The following PHACTR2 variants were observed in gnomAD, a reference collection of about 807,000 sequenced individuals.
The protein encoded by PHACTR2 is phosphatase and actin regulator 2.
PHACTR2 carries 30 observed loss-of-function variants against 76.0 expected under a neutral mutation model. The observed-to-expected ratio is 0.39, with a 90% CI of 0.30 to 0.54. The LOEUF is 0.54. Among genes scored for constraint, PHACTR2 ranks in the 20% least tolerant of loss-of-function variants. The pLI, the probability that PHACTR2 is intolerant of heterozygous loss-of-function variation, is 0.61. For synonymous variants in PHACTR2, 292 were observed against 292.5 expected (o/e 1.00, Z 0.02); for missense variants, 696 against 781.1 (o/e 0.89, Z 1.30).
rs1320420035 is a variant in PHACTR2 at position 143,803,113 on chromosome 6, G to T, written c.1846-3944G>T. The stretch of plus-strand genomic sequence containing the variant: ...AGACTGTAGGATGTGAGGTTAAAAG[G>T]CTTGTGTATGAGCCCCATGTTTGTC... On this transcript the variant is annotated intron_variant, in intron 11 of 12. Coordinates refer to ENST00000440869, the MANE Select transcript of PHACTR2 (RefSeq NM_001100164.2). The surrounding 1 kb of genome is among the most constrained non-coding windows in gnomAD (Gnocchi z 4.7). Among the ~76,000 whole-genome samples the T allele has an allele frequency of 6.6e-6, 1 of 152,112 alleles. No individual in the cohort carries two copies. The highest frequency in any genetic ancestry group is 1.5e-5 in the Non-Finnish European group (1 of 68,020).
rs78144562 is a variant in PHACTR2, at chr6:143,718,642, A to C, written c.214+6459A>C. 3.0e-3 allele frequency among the ~76,000 whole-genome samples: 452 copies of C among 152,308 alleles called. 4 individuals are homozygous for C. Among genetic ancestry groups the C allele is most frequent in the Non-Finnish European group, 4.4e-3 (296 of 68,028 alleles). ...CTTTCCTCAGTGCACATGTAGAAAA[A>C]TGGTTGGCAAGGATCAAAGTTATGT... is the stretch of plus-strand genomic sequence containing the variant. On this transcript the variant is annotated intron_variant, in intron 2 of 12. Coordinates refer to ENST00000440869, the MANE Select transcript of PHACTR2 (RefSeq NM_001100164.2).
At chr6:143,628,928 T>C (rs1329041748) in intron 1 of PHACTR2, among the ~76,000 whole-genome samples, 4 of 3,426 alleles carry the variant, frequency 1.2e-3, no homozygotes, top group African/African-American at 2.2e-3. Context: ...GCAGGAGATA[T>C]ATATATATAT....
chr6:143,668,366 T>A (rs1489580869), intron 1 of PHACTR2, among the ~76,000 whole-genome samples: 1 of 152,206 alleles, frequency 6.6e-6, no homozygotes, highest in Non-Finnish European at 1.5e-5. Context: ...CAGGTTTTGG[T>A]ATCAGGATGA....
chr6:143,759,641 AAT>A (rs1491402784), intron 4 of PHACTR2, among the ~76,000 whole-genome samples: 12 of 151,862 alleles, frequency 7.9e-5, no homozygotes, highest in South Asian at 4.2e-4. Context: ...AAAAAAAAAA[AAT>A]TTTTTTTTTA....
Position 143,617,425 on chromosome 6 carries a change from T to C in PHACTR2, c.13+9103T>C, listed in dbSNP as rs1776075130. On this transcript the variant is annotated intron_variant, in intron 1 of 11. Transcript: ENST00000305766. The surrounding 1 kb of genome is among the most constrained non-coding windows in gnomAD (Gnocchi z 4.8). ...GAGTTAGAGTGGTCATTCTCAACTC[T>C]AGCTACTCATTAGAATCCCCTGGAA... is the stretch of plus-strand genomic sequence containing the variant. Among the ~76,000 whole-genome samples the C allele has an allele frequency of 6.6e-6, 1 of 152,198 alleles. No homozygotes were observed. Among genetic ancestry groups the C allele is most frequent in the South Asian group, 2.1e-4 (1 of 4,830 alleles).
Position 143,743,964 on chromosome 6 carries a change from G to A in PHACTR2, c.215-5021G>A, listed in dbSNP as rs1004271532. Among the ~76,000 whole-genome samples, 1 of 152,190 alleles carries A rather than the reference G, an allele frequency of 6.6e-6. No individual in the cohort carries two copies. The highest frequency in any genetic ancestry group is 6.5e-5 in the Admixed American group (1 of 15,270). ...GCCAAGTATCCGCAGAAAAAAGCCA[G>A]CGGCATATGCTCCAGCCTCTTTTCC... On this transcript the variant is annotated intron_variant, in intron 2 of 12. Coordinates refer to ENST00000440869, the MANE Select transcript of PHACTR2 (RefSeq NM_001100164.2). The surrounding 1 kb of genome is among the most constrained non-coding windows in gnomAD (Gnocchi z 5.0).
chr6:143,587,968 G>A (rs563902296), intron 1 of PHACTR2, among the ~76,000 whole-genome samples: 12 of 151,454 alleles, frequency 7.9e-5, no homozygotes, highest in African/African-American at 1.5e-4. Context: ...AGCTGAGATC[G>A]TGCCATTGCC....
At position 143,789,669 on chromosome 6, in the gene PHACTR2, G is replaced by GT. The variant is rs1373233868; in HGVS notation, c.1845+767dup. 6.6e-6 allele frequency among the ~76,000 whole-genome samples: 1 copy of GT among 151,976 alleles called. No homozygotes were observed. The highest frequency in any genetic ancestry group is 6.6e-5 in the Admixed American group (1 of 15,242). On this transcript the variant is annotated intron_variant, in intron 11 of 12. Coordinates refer to ENST00000440869, the MANE Select transcript of PHACTR2 (RefSeq NM_001100164.2). This position sits in a 1 kb window ranked among gnomAD's most constrained non-coding sequence, Gnocchi z 5.1. ...ATTGAATAAACTCGTGCTATACCCA[G>GT]TTTTTTTTAATCATAAGTACTTTTG...
intron 9 of PHACTR2, among the ~76,000 whole-genome samples, chr6:143,778,387 A>G (rs760103720): frequency 2.0e-5 from 3 of 152,138 alleles, no homozygotes; most frequent in Non-Finnish European, 2.9e-5. Context: ...AATCAATTCA[A>G]CAATGAAAAT....
rs1331891291 is a variant in PHACTR2 at position 143,539,703 on chromosome 6, C to T, written c.217+2496C>T. 2.0e-5 allele frequency among the ~76,000 whole-genome samples: 3 copies of T among 152,156 alleles called. No individual in the cohort carries two copies. Among genetic ancestry groups the T allele is most frequent in the South Asian group, 2.1e-4 (1 of 4,826 alleles). On this transcript the variant is annotated intron_variant, in intron 1 of 11. Transcript: ENST00000367584. This position sits in a 1 kb window ranked among gnomAD's most constrained non-coding sequence, Gnocchi z 4.3. ...CATGTGTGGCTTGCCAAAACAGCCC[C>T]GGACCAGCATCTGTGGCCTCATCTC...
In PHACTR2 at chr6:143,619,392, T is replaced by C. The variant is rs1020981201; in HGVS notation, c.13+11070T>C. ...ATATAATGAAGCCACTCAGACAAAA[T>C]AGGTTTCTACTGTTTCGTGTGCTAT... is the stretch of plus-strand genomic sequence containing the variant. On this transcript the variant is annotated intron_variant, in intron 1 of 11. Coordinates refer to the PHACTR2 transcript ENST00000305766. The surrounding 1 kb of genome is among the most constrained non-coding windows in gnomAD (Gnocchi z 4.5). 5.3e-5 allele frequency among the ~76,000 whole-genome samples: 8 copies of C among 152,344 alleles called. No homozygotes were observed. Among genetic ancestry groups the C allele is most frequent in the African/African-American group, 1.9e-4 (8 of 41,584 alleles).
intron 3 of PHACTR2, among the ~76,000 whole-genome samples, 154 bp downstream of exon 3, chr6:143,749,219 T>C (rs1468220652): frequency 6.6e-6 from 1 of 152,182 alleles, no homozygotes; most frequent in Non-Finnish European, 1.5e-5. Flanking sequence ...GTAATGCCTT[T>C]GTGAGCTGCA....
At chr6:143,567,988 A>G (rs1349338295) in intron 1 of PHACTR2, among the ~76,000 whole-genome samples, 1 of 152,228 alleles carries the variant, frequency 6.6e-6, no homozygotes, top group Non-Finnish European at 1.5e-5. Context: ...TATAGTCGCT[A>G]TGCATCTTTT....
chr6:143,685,539 C>T (rs916521518), intron 1 of PHACTR2, among the ~76,000 whole-genome samples: 2 of 151,956 alleles, frequency 1.3e-5, no homozygotes, highest in African/African-American at 4.8e-5. Context: ...AAACTTATGA[C>T]GTTCATCCGG....
chr6:143,605,902 T>C (rs1022673182), upstream of PHACTR2, among the ~76,000 whole-genome samples: 12 of 152,194 alleles, frequency 7.9e-5, no homozygotes, highest in African/African-American at 2.7e-4. This position sits in a 1 kb window ranked among gnomAD's most constrained non-coding sequence, Gnocchi z 5.0. Flanking sequence ...TAATGACATA[T>C]GTGTACAATG....
rs1333872889 is a variant in PHACTR2, at chr6:143,658,768, T to TA, written c.13+50448dup. On this transcript the variant is annotated intron_variant, in intron 1 of 11. Transcript: ENST00000305766. This position sits in a 1 kb window ranked among gnomAD's most constrained non-coding sequence, Gnocchi z 4.1. The stretch of plus-strand genomic sequence containing the variant: ...GGGTTGGGCACAGTGACTCTGCCTG[T>TA]AATCTCAGCACTTCGGGAGGCCAAG... 6.6e-6 allele frequency among the ~76,000 whole-genome samples: 1 copy of TA among 152,226 alleles called. No individual in the cohort carries two copies. Among genetic ancestry groups the TA allele is most frequent in the African/African-American group, 2.4e-5 (1 of 41,466 alleles).
At chr6:143,703,589 C>T (rs1360101506) in intron 1 of PHACTR2, among the ~76,000 whole-genome samples, 40 of 152,156 alleles carry the variant, frequency 2.6e-4, no homozygotes, top group Non-Finnish European at 1.5e-5. Context: ...TTTTCACATT[C>T]TGTTCTTTTT....
chr6:143,726,560 C>T (rs1778576967), intron 2 of PHACTR2, among the ~76,000 whole-genome samples: 1 of 152,146 alleles, frequency 6.6e-6, no homozygotes, highest in Non-Finnish European at 1.5e-5. Context: ...AGCATAATGT[C>T]CTCAAGTTTC....
chr6:143,704,178 A>T (rs1000050741), intron 1 of PHACTR2, among the ~76,000 whole-genome samples: 27 of 151,524 alleles, frequency 1.8e-4, no homozygotes, highest in African/African-American at 6.6e-4. Context: ...GTAACTGTGG[A>T]TGTATACCTC....
Sources: gnomAD v4.1 joint callset for allele counts (sites outside exome capture counted in the v4.1 genomes callset) on GRCh38, gnomAD v4.1.1 for gene constraint, Gnocchi (gnomAD v3.1) non-coding constraint, MANE v1.5 for transcripts, NCBI Gene and HGNC (gene_info 2026-07-23, HGNC 2026-07-21) for gene names.